Variants in SLC5A11 observed in about 807,000 individuals in gnomAD.
SLC5A11 encodes sodium/myo-inositol cotransporter 2.
A neutral mutation model predicts 69.8 loss-of-function variants in SLC5A11; 48 were observed. That is an observed-to-expected ratio of 0.69 (90% confidence interval 0.55 to 0.87). The LOEUF (loss-of-function observed/expected upper bound fraction) is 0.87, where lower values mean the gene tolerates loss of function less well. Ranked by LOEUF, SLC5A11 falls within the 40% of genes least tolerant of loss-of-function variation. The probability of loss-of-function intolerance (pLI) is 0.00; values close to 1 mark genes in which losing one functional copy is unlikely to be tolerated. For synonymous variants in SLC5A11, 319 were observed against 342.4 expected, an observed-to-expected ratio of 0.93 and a Z score of 0.75; for missense variants, 784 against 866.1, an observed-to-expected ratio of 0.91 and a Z score of 1.19.
At chr16:24,852,318 G>C (rs1300655080) in intron 1 of SLC5A11, among the ~76,000 whole-genome samples, 2 of 152,092 alleles carry the variant, frequency 1.3e-5, no homozygotes, top group African/African-American at 4.8e-5. Flanking sequence ...CTGGGGTGTG[G>C]AAATTTTTCA....
At chr16:24,864,737 G>A (rs569581328) in intron 3 of SLC5A11, among the ~76,000 whole-genome samples, 5 of 152,036 alleles carry the variant, frequency 3.3e-5, no homozygotes, top group Non-Finnish European at 5.9e-5. Context: ...ACACAAAAAA[G>A]CCATGTCTTG....
At chr16:24,888,207 A>C (rs900142076) in intron 8 of SLC5A11, among the ~76,000 whole-genome samples, 2 of 152,148 alleles carry the variant, frequency 1.3e-5, no homozygotes, top group Non-Finnish European at 2.9e-5. Flanking sequence ...CCAAAAATTA[A>C]ACTCATTAGG....
At chr16:24,858,994 C>T (rs548041534) in intron 2 of SLC5A11, among the ~76,000 whole-genome samples, 4 of 152,310 alleles carry the variant, frequency 2.6e-5, no homozygotes, top group African/African-American at 7.2e-5. Context: ...TTACATTTCT[C>T]ATGTAATTTT....
chr16:24,880,532 C>G (rs1208334140), intron 7 of SLC5A11, among the ~76,000 whole-genome samples: 1 of 152,086 alleles, frequency 6.6e-6, no homozygotes, highest in Admixed American at 6.5e-5. Context: ...CAGGGTTTCT[C>G]CATGTTGGTC....
intron 7 of SLC5A11, among the ~76,000 whole-genome samples, chr16:24,881,609 G>A (rs1398782339): frequency 2.0e-5 from 3 of 152,112 alleles, no homozygotes; most frequent in African/African-American, 7.2e-5. Flanking sequence ...TTTTTCTGAT[G>A]ATTAGCGATG....
At chr16:24,903,389 T>C (rs767186216) in intron 10 of SLC5A11, among the ~76,000 whole-genome samples, 4 of 152,190 alleles carry the variant, frequency 2.6e-5, no homozygotes, top group Non-Finnish European at 5.9e-5. Context: ...TTTGAAAATG[T>C]ACAATAAATT....
rs771093109 is a variant in SLC5A11, at chr16:24,862,671, C to T, written c.206C>T (p.Pro69Leu). The change falls in exon 3 of 16, where the codon CCA (proline) becomes CTA (leucine). Residue 69 changes from proline to leucine, a missense_variant and splice_region_variant. Pro to Leu is a moderately conservative substitution (Grantham distance 98). Coordinates refer to ENST00000347898, the Ensembl canonical transcript of SLC5A11. The stretch of plus-strand genomic sequence containing the variant: ...GCTGGAGGGGACATGGTGTGGTGGC[C>T]AGTAAGTGGTCTTTGGTTCAATTAA... The T allele has an allele frequency of 4.2e-5, 67 of 1,612,996 alleles. No homozygotes were observed. The East Asian group carries it at 1.4e-3, about 33-fold the overall frequency.
rs1555524249 is a variant in SLC5A11 at position 24,873,247 on chromosome 16, G to GAGGAAGAAAGGA, written c.372+1034_372+1035insAAAGGAAGGAAG. 1.0e-3 allele frequency among the ~76,000 whole-genome samples: 103 copies of GAGGAAGAAAGGA among 101,490 alleles called. 1 individual carries two copies. Among genetic ancestry groups the GAGGAAGAAAGGA allele is most frequent in the South Asian group, 2.6e-3 (6 of 2,324 alleles). 66.6% of individuals were successfully genotyped at this position (101,490 alleles called of 152,430 possible). A position where few individuals can be genotyped will look rare whatever the true frequency, so the allele number is the denominator to read the frequency against. ...AAAGGAAGGAATGGAGAGAGGGAGG[G>GAGGAAGAAAGGA]AGGAAGGAAGGAAGGAAGGAAGGAA... On this transcript the variant is annotated intron_variant, in intron 5 of 15. Transcript: ENST00000347898.
At chr16:24,870,611 C>T (rs2047229852) in intron 4 of SLC5A11, among the ~76,000 whole-genome samples, 1 of 151,716 alleles carries the variant, frequency 6.6e-6, no homozygotes, top group African/African-American at 2.4e-5. Context: ...GAGACTCCAT[C>T]TCTACTAAAA....
intron 1 of SLC5A11, among the ~76,000 whole-genome samples, chr16:24,853,442 G>T (rs1468035411): frequency 6.6e-6 from 1 of 152,168 alleles, no homozygotes; most frequent in Non-Finnish European, 1.5e-5. Context: ...GAGTTGCAGG[G>T]CCTGGCGTGG....
At chr16:24,848,859 G>A (rs1385288443) in intron 1 of SLC5A11, among the ~76,000 whole-genome samples, 2 of 152,156 alleles carry the variant, frequency 1.3e-5, no homozygotes, top group East Asian at 3.8e-4. Flanking sequence ...AGGTAAGACT[G>A]GAGGGTCTTT....
Position 24,862,280 on chromosome 16 carries a change from A to G in SLC5A11, c.136-321A>G, listed in dbSNP as rs138797031. ...GCATCTGGCACATAGTAAACACTCA[A>G]TAAATGGTATCAGTTATAAAACATC... On this transcript the variant is annotated intron_variant, in intron 2 of 15. Coordinates refer to ENST00000347898, the Ensembl canonical transcript of SLC5A11. Among the ~76,000 whole-genome samples, 6 of 152,354 alleles carry G rather than the reference A, an allele frequency of 3.9e-5. No individual in the cohort carries two copies. In the East Asian group the frequency reaches 1.2e-3, roughly 29 times the overall value.
chr16:24,865,875 AC>A (rs2152281872), intron 3 of SLC5A11, among the ~76,000 whole-genome samples: 1 of 152,090 alleles, frequency 6.6e-6, no homozygotes, highest in South Asian at 2.1e-4. Context: ...AATATAACAT[AC>A]AGTATAAATT....
At chr16:24,861,264 G>A (rs947011502) in intron 2 of SLC5A11, among the ~76,000 whole-genome samples, 9 of 151,926 alleles carry the variant, frequency 5.9e-5, no homozygotes, top group Admixed American at 1.3e-4. Flanking sequence ...TGAACAGATC[G>A]CTTGAGCTCA....
intron 8 of SLC5A11, among the ~76,000 whole-genome samples, chr16:24,888,722 G>C (rs1318382026): frequency 6.8e-6 from 1 of 147,724 alleles, no homozygotes; most frequent in Non-Finnish European, 1.5e-5. Flanking sequence ...GACCTCAGGC[G>C]ATCTGCCCAC....
chr16:24,869,332 G>A (rs762119568), intron 3 of SLC5A11, among the ~76,000 whole-genome samples: 44 of 152,188 alleles, frequency 2.9e-4, no homozygotes, highest in Admixed American at 8.5e-4. Context: ...CGGTGTCCCC[G>A]TTCCAAATTC....
In SLC5A11 at chr16:24,890,892, G is replaced by T. The variant is rs868534419; in HGVS notation, c.688G>T (p.Glu230Ter). Residue 230 changes from glutamate to a stop codon, truncating the protein, a stop_gained, in exon 9 of 16, where the codon GAA (glutamate) becomes TAA (stop). Coordinates refer to ENST00000347898, the Ensembl canonical transcript of SLC5A11. LOFTEE classifies it high-confidence loss of function. ...AGGTTTCGCCGCGGTTGGTGGGATGGAAGGACTGAAGGAGAAGTACTTCTT... is the reference window on the plus strand; with the variant it reads ...AGGTTTCGCCGCGGTTGGTGGGATGTAAGGACTGAAGGAGAAGTACTTCTT... 2 of 1,614,140 alleles carry T rather than the reference G, an allele frequency of 1.2e-6. No homozygotes were observed. The highest frequency in any genetic ancestry group is 1.7e-6 in the Non-Finnish European group (2 of 1,180,018).
chr16:24,872,150 T>A lies in SLC5A11; in HGVS notation c.313-10T>A, dbSNP rs760568324. 2.5e-6 allele frequency: 4 copies of A among 1,614,180 alleles called. No homozygotes were observed. Among genetic ancestry groups the A allele is most frequent in the South Asian group, 1.1e-5 (1 of 91,080 alleles). On this transcript the variant is annotated splice_polypyrimidine_tract_variant and intron_variant, in intron 4 of 15. Transcript: ENST00000347898. ...TGGGGGCCAAGTCCTGACTGTGTTTTCTTGAGCAGGGCTTGTTTTCTGTGC... is the reference window on the plus strand; with the variant it reads ...TGGGGGCCAAGTCCTGACTGTGTTTACTTGAGCAGGGCTTGTTTTCTGTGC...
intron 7 of SLC5A11, among the ~76,000 whole-genome samples, chr16:24,881,010 C>T (rs1039326926): frequency 1.3e-5 from 2 of 152,038 alleles, no homozygotes; most frequent in Non-Finnish European, 2.9e-5. Context: ...TCGAGACCAG[C>T]CTGGCCAATA....
Sources: allele counts gnomAD v4.1 joint callset (sites outside exome capture counted in the v4.1 genomes callset), GRCh38; gene constraint gnomAD v4.1.1; transcripts MANE v1.5; gene names NCBI Gene and HGNC (gene_info 2026-07-23, HGNC 2026-07-21).